Variants in AP2A2 observed in about 807,000 individuals in gnomAD.
AP2A2 encodes adaptor related protein complex 2 subunit alpha 2.
In AP2A2, 32 loss-of-function variants were observed where a neutral mutation model predicts 104.2. The ratio of observed to expected loss-of-function variants is 0.31; its 90% CI spans 0.23 to 0.41. AP2A2 has a LOEUF of 0.41. AP2A2 is among the 10% of genes least tolerant of loss of function. AP2A2 has a pLI of 1.00. For missense variants in AP2A2, 912 were observed against 1,261.0 expected (o/e 0.72, Z 4.19); for synonymous variants, 539 against 533.3 (o/e 1.01, Z -0.15).
At chr11:976,677 T>C (rs6597961) in intron 4 of AP2A2, among the ~76,000 whole-genome samples, 89,709 of 149,814 alleles carry the variant, frequency 0.6, 27,264 homozygotes, top group Middle Eastern at 0.74. Context: ...CTGTTCAGGG[T>C]GGGGCGTGGT....
chr11:1,004,690 C>T (rs149848720), intron 16 of AP2A2, among the ~76,000 whole-genome samples: 4 of 152,222 alleles, frequency 2.6e-5, no homozygotes, highest in Admixed American at 2.0e-4. Flanking sequence ...GTGGGAGGAT[C>T]GCTTGAGCCC....
chr11:977,682 C>G (rs4074232), intron 5 of AP2A2, among the ~76,000 whole-genome samples: 86,870 of 151,040 alleles, frequency 0.58, 25,815 homozygotes, highest in Middle Eastern at 0.73. Context: ...GTGAGAGGCA[C>G]GTGTGGGGGA....
intron 3 of AP2A2, 45 bp from the exon 4 acceptor site, chr11:972,017 T>C (rs1287693784): frequency 1.3e-6 from 2 of 1,555,478 alleles, no homozygotes; most frequent in African/African-American, 1.4e-5. Flanking sequence ...ACAGGTGGAC[T>C]TGGATTGTCA....
rs1285228238 is a variant in AP2A2 at position 986,969 on chromosome 11, T to A, written c.1131+16T>A. On this transcript the variant is annotated intron_variant, in intron 9 of 21. Coordinates refer to ENST00000448903, the MANE Select transcript of AP2A2 (RefSeq NM_012305.4). The stretch of plus-strand genomic sequence containing the variant: ...CGCCCTGAAGGCGAGTGCCCTGTCC[T>A]TGGGTTCTGCTCACTCCCTGAGCAG... 10 of 1,562,448 alleles carry A rather than the reference T, an allele frequency of 6.4e-6. No individual in the cohort carries two copies. Among genetic ancestry groups the A allele is most frequent in the Non-Finnish European group, 8.7e-6 (10 of 1,153,356 alleles).
At chr11:989,379 C>T (rs530279569) in intron 10 of AP2A2, among the ~76,000 whole-genome samples, 1 of 152,264 alleles carries the variant, frequency 6.6e-6, no homozygotes, top group South Asian at 2.1e-4. Flanking sequence ...CTTCTGTGGC[C>T]TGCCTGTCCT....
chr11:929,709 T>C (rs920897607), intron 1 of AP2A2, among the ~76,000 whole-genome samples: 6 of 151,754 alleles, frequency 4.0e-5, no homozygotes, highest in Admixed American at 2.0e-4. Context: ...GGTGAGAGCA[T>C]TGTCTGAGCC....
intron 14 of AP2A2, among the ~76,000 whole-genome samples, chr11:994,829 C>T (rs1399567620): frequency 3.7e-5 from 5 of 136,926 alleles, no homozygotes. Flanking sequence ...CTGGACGCCC[C>T]CCTGGCCTGT....
chr11:936,747 G>A (rs1853471323), intron 1 of AP2A2, among the ~76,000 whole-genome samples: 1 of 152,104 alleles, frequency 6.6e-6, no homozygotes, highest in African/African-American at 2.4e-5. Flanking sequence ...GAATATTTTT[G>A]TGTTTCTTTT....
At chr11:972,745 C>A (rs1435991444) in intron 4 of AP2A2, among the ~76,000 whole-genome samples, 1 of 152,252 alleles carries the variant, frequency 6.6e-6, no homozygotes, top group Non-Finnish European at 1.5e-5. Flanking sequence ...AAAGTGCAAT[C>A]TAATACCACT....
chr11:949,384 A>G (rs1354656704), intron 1 of AP2A2, among the ~76,000 whole-genome samples: 2 of 152,194 alleles, frequency 1.3e-5, no homozygotes, highest in Admixed American at 6.5e-5. Context: ...CTAGACAAAG[A>G]CATGACAAGA....
At chr11:997,589 T>C (rs1855894414) in intron 14 of AP2A2, among the ~76,000 whole-genome samples, 1 of 152,204 alleles carries the variant, frequency 6.6e-6, no homozygotes. Flanking sequence ...GCAAAGGGCT[T>C]TCCTACTTTA....
Position 986,818 on chromosome 11 carries a change from G to T in AP2A2, c.996G>T (p.Gln332His), listed in dbSNP as rs1349382546. Reference sequence around the variant, plus strand: ...ACCTGCTCGTCCGTGCCTGCAACCAGTTGGGCCAGTTTCTGCAGCACCGCG... The same window carrying T: ...ACCTGCTCGTCCGTGCCTGCAACCATTTGGGCCAGTTTCTGCAGCACCGCG... ...EPNLLVRACNQLGQFLQHRET... is the reference protein window; with the variant it reads ...EPNLLVRACNHLGQFLQHRET... Residue 332 changes from glutamine to histidine, a missense_variant, in exon 9 of 22, where the codon CAG becomes CAT. Transcript: ENST00000448903. 9.3e-6 allele frequency: 15 copies of T among 1,613,390 alleles called. No individual in the cohort carries two copies. Among genetic ancestry groups the T allele is most frequent in the Admixed American group, 1.7e-5 (1 of 59,970 alleles).
chr11:940,019 G>A (rs557022263), intron 1 of AP2A2, among the ~76,000 whole-genome samples: 14 of 142,668 alleles, frequency 9.8e-5, no homozygotes, highest in South Asian at 6.7e-4. Context: ...GCAGTGGCGC[G>A]ATCTCGGCTC....
chr11:1,009,435 G>T lies in AP2A2; in HGVS notation c.2607+38G>T, dbSNP rs192235192. 1.4e-3 allele frequency: 2,244 copies of T among 1,572,322 alleles called. 24 individuals carry two copies. In the African/African-American group the frequency reaches 0.022, roughly 16 times the overall value. Reference sequence around the variant, plus strand: ...GAGGGACGGCCCCGGGGGACACGCAGCCCGTGACCCCGCGCCAGGGTCTGG... The same window carrying T: ...GAGGGACGGCCCCGGGGGACACGCATCCCGTGACCCCGCGCCAGGGTCTGG... On this transcript the variant is annotated intron_variant, in intron 20 of 21. Transcript: ENST00000448903.
rs1307786703 is a variant in AP2A2, at chr11:964,801, C to T, written c.136+5296C>T. ...CAAAGGAAATAATCCCAGATGGAAGCGTGGAAATGGAAAGCATGGAACGGG... is the reference window on the plus strand; with the variant it reads ...CAAAGGAAATAATCCCAGATGGAAGTGTGGAAATGGAAAGCATGGAACGGG... On this transcript the variant is annotated intron_variant, in intron 2 of 21. Coordinates refer to ENST00000448903, the MANE Select transcript of AP2A2 (RefSeq NM_012305.4). Among the ~76,000 whole-genome samples the T allele has an allele frequency of 2.9e-5, 4 of 135,648 alleles. 1 individual carries two copies. Among genetic ancestry groups the T allele is most frequent in the East Asian group, 2.0e-4 (1 of 4,990 alleles). The allele number at this position is 135,648 out of a possible 152,430, so 89.0% of individuals were successfully genotyped here.
In AP2A2 at chr11:1,011,660, C is replaced by T; in HGVS notation, c.*1035C>T. The stretch of plus-strand genomic sequence containing the variant: ...GGAGCCAAGGCTGGGGCCTTGCGCT[C>T]TGTCCCCAGGATGGTGGCCTTGTTT... On this transcript the variant is annotated 3_prime_UTR_variant, in exon 22 of 22. Transcript: ENST00000448903. 2.8e-6 allele frequency: 1 copy of T among 363,480 alleles called. No homozygotes were observed. Among genetic ancestry groups the T allele is most frequent in the Non-Finnish European group, 5.5e-6 (1 of 181,842 alleles). The allele number at this position is 363,480 out of a possible 1,614,324, so 22.5% of individuals were successfully genotyped here.
rs1203366522 is a variant in AP2A2 at position 971,123 on chromosome 11, TGGG to T, written c.279+816_279+818del. 8.5e-5 allele frequency among the ~76,000 whole-genome samples: 13 copies of T among 152,222 alleles called. No homozygotes were observed. The East Asian group carries it at 2.3e-3, about 27-fold the overall frequency. On this transcript the variant is annotated intron_variant, in intron 3 of 21. Coordinates refer to ENST00000448903, the MANE Select transcript of AP2A2 (RefSeq NM_012305.4). Reference sequence around the variant, plus strand: ...CATTTGTGGAGTGCCTGTGGTGTGTTGGGGGGATGGGGGATTAGCCTTGAGGAC... The same window carrying T: ...CATTTGTGGAGTGCCTGTGGTGTGTTGGGATGGGGGATTAGCCTTGAGGAC...
intron 1 of AP2A2, among the ~76,000 whole-genome samples, chr11:950,166 C>A (rs1393753817): frequency 6.6e-6 from 1 of 152,098 alleles, no homozygotes; most frequent in African/African-American, 2.4e-5. Flanking sequence ...ATGACTGAAT[C>A]TCCATGTAAA....
At chr11:938,432 T>G (rs1378367299) in intron 1 of AP2A2, among the ~76,000 whole-genome samples, 2 of 152,206 alleles carry the variant, frequency 1.3e-5, no homozygotes, top group Non-Finnish European at 2.9e-5. Context: ...TAATGCTTTT[T>G]TCTCCTTGCA....
Sources: allele counts gnomAD v4.1 joint callset (sites outside exome capture counted in the v4.1 genomes callset), GRCh38; gene constraint gnomAD v4.1.1; transcripts MANE v1.5; gene names NCBI Gene and HGNC (gene_info 2026-07-23, HGNC 2026-07-21).